EP400: variants seen among roughly 807,000 people sequenced by gnomAD.
EP400 encodes E1A-binding protein p400.
Under a neutral mutation model 354.1 loss-of-function variants are expected in EP400, and 105 were observed. The observed-to-expected ratio is 0.30, with a 90% CI of 0.25 to 0.35. The LOEUF (loss-of-function observed/expected upper bound fraction) is 0.35. Ranked by LOEUF, EP400 falls within the 10% of genes least tolerant of loss-of-function variation. The pLI is 1.00. For synonymous variants in EP400, 1,646 were observed against 1,716.9 expected (o/e 0.96, Z 1.02); for missense variants, 3,280 against 4,121.0 (o/e 0.80, Z 5.59).
At position 132,018,750 on chromosome 12, in the gene EP400, TAAC is replaced by T. The variant is rs1367784768; in HGVS notation, c.4277+377_4277+379del. Among the ~76,000 whole-genome samples the T allele has an allele frequency of 2.0e-5, 3 of 152,314 alleles. No homozygotes were observed. The highest frequency in any genetic ancestry group is 7.2e-5 in the African/African-American group (3 of 41,566). On this transcript the variant is annotated intron_variant, in intron 21 of 52. Coordinates refer to ENST00000389561, the MANE Select transcript of EP400 (RefSeq NM_015409.5). The surrounding 1 kb of genome is among the most constrained non-coding windows in gnomAD (Gnocchi z 4.0). ...CACCCCCACGGTGATGTCATTGTCTTAACAAGTGACATGTGAGTGATTCTGAAG... is the reference window on the plus strand; with the variant it reads ...CACCCCCACGGTGATGTCATTGTCTTAAGTGACATGTGAGTGATTCTGAAG...
At chr12:131,983,828 C>T (rs1053326195) in intron 5 of EP400, among the ~76,000 whole-genome samples, 4 of 152,006 alleles carry the variant, frequency 2.6e-5, no homozygotes, top group African/African-American at 4.8e-5. Context: ...TACAGGCGCA[C>T]ACCACTACAC....
rs776765987 is a variant in EP400 at position 132,025,674 on chromosome 12, C to G, written c.4884C>G (p.Pro1628=). The G allele has an allele frequency of 1.9e-6, 3 of 1,610,608 alleles. No individual in the cohort carries two copies. The change falls in exon 25 of 53, where the codon CCC becomes CCG. Residue 1628 remains proline, a synonymous_variant. Transcript: ENST00000389561. This position sits in a 1 kb window ranked among gnomAD's most constrained non-coding sequence, Gnocchi z 4.1. ...QGSVLQIVSA[P]GQPYLRAPGP... ...GCGTCCTCCAGATCGTGTCCGCCCC[C>G]GGGCAGCCCTACCTTCGAGCCCCTG...
chr12:132,004,942 G>A, intron 12 of EP400, 135 bp from the exon 13 acceptor site: 1 of 722,552 alleles, frequency 1.4e-6, no homozygotes, highest in South Asian at 1.5e-5. Flanking sequence ...GTGATCTAAA[G>A]CTGGAAAAAG....
intron 5 of EP400, among the ~76,000 whole-genome samples, chr12:131,985,709 G>A (rs1001831101): frequency 2.0e-5 from 3 of 152,206 alleles, no homozygotes; most frequent in African/African-American, 7.2e-5. Context: ...TTGGGTTTAA[G>A]CAATTCTCCT....
At position 132,020,101 on chromosome 12, in the gene EP400, T is replaced by C. The variant is rs775911908; in HGVS notation, c.4330T>C (p.Phe1444Leu). 9 of 1,603,760 alleles carry C rather than the reference T, an allele frequency of 5.6e-6. No individual in the cohort carries two copies. The Admixed American group carries it at 1.5e-4, about 28-fold the overall frequency. Residue 1444 changes from phenylalanine (F) to leucine (L), a missense_variant, in exon 22 of 53, where the codon TTC becomes CTC. By Grantham distance (22) the Phe-to-Leu change is conservative. Transcript: ENST00000389561. ...GQKPEGRTVA[F>L]PSTHPPRTAA... is the part of the protein sequence containing the mutation. ...GAAGCCCGAGGGTCGCACCGTGGCT[T>C]TCCCCAGCACTCACCCGCCCCGGAC...
chr12:131,960,440 G>A, intron 1 of EP400, 145 bp from the exon 2 acceptor site: 1 of 853,908 alleles, frequency 1.2e-6, no homozygotes, highest in Non-Finnish European at 1.8e-6. Flanking sequence ...TTCTCCAGCT[G>A]TGCCATATTG....
chr12:132,045,634 A>C, intron 38 of EP400, 74 bp downstream of exon 38: 2 of 1,603,422 alleles, frequency 1.2e-6, no homozygotes, highest in South Asian at 2.2e-5. Flanking sequence ...CATCCAGCTC[A>C]CTGTGATCAC....
intron 30 of EP400, among the ~76,000 whole-genome samples, chr12:132,037,192 G>A (rs766736842): frequency 3.3e-5 from 5 of 152,136 alleles, no homozygotes; most frequent in Non-Finnish European, 5.9e-5. Flanking sequence ...TGCAGCTCAC[G>A]GTCGTAATTG....
chr12:131,996,370 C>A (rs1457335884), intron 12 of EP400, among the ~76,000 whole-genome samples: 1 of 150,354 alleles, frequency 6.7e-6, no homozygotes, highest in African/African-American at 2.5e-5. Flanking sequence ...CGGCTCACTG[C>A]AAGCTCTGCC....
rs1894027174 is a variant in EP400 at position 132,018,785 on chromosome 12, T to C, written c.4277+409T>C. Among the ~76,000 whole-genome samples the C allele has an allele frequency of 6.6e-6, 1 of 152,188 alleles. No individual in the cohort carries two copies. Among genetic ancestry groups the C allele is most frequent in the African/African-American group, 2.4e-5 (1 of 41,440 alleles). ...CATGTGAGTGATTCTGAAGTGATGC[T>C]TTTGCGGGTGTCATGAGGCTGGGAG... On this transcript the variant is annotated intron_variant, in intron 21 of 52. Coordinates refer to ENST00000389561, the MANE Select transcript of EP400 (RefSeq NM_015409.5). The surrounding 1 kb of genome is among the most constrained non-coding windows in gnomAD (Gnocchi z 4.0).
At chr12:132,030,961 G>C (rs984848349) in intron 29 of EP400, among the ~76,000 whole-genome samples, 1 of 152,160 alleles carries the variant, frequency 6.6e-6, no homozygotes, top group Non-Finnish European at 1.5e-5. Context: ...CCTGTAAGTC[G>C]CGCAGCCTGC....
In EP400 at chr12:132,038,135, G is replaced by A. The variant is rs774190006; in HGVS notation, c.6207+39G>A. ...GAATCTGGCTGAAGAGTTGCACGGT[G>A]GGAGCCGGCGGAACACCTGCACCCT... On this transcript the variant is annotated intron_variant, in intron 32 of 52. Coordinates refer to ENST00000389561, the MANE Select transcript of EP400 (RefSeq NM_015409.5). This position sits in a 1 kb window ranked among gnomAD's most constrained non-coding sequence, Gnocchi z 4.2. 1.6e-5 allele frequency: 25 copies of A among 1,611,022 alleles called. No individual in the cohort carries two copies. In the Admixed American group the frequency reaches 4.2e-4, roughly 27 times the overall value.
In EP400 at chr12:132,018,446, G is replaced by T. The variant is rs1160733775; in HGVS notation, c.4277+70G>T. Reference sequence around the variant, plus strand: ...CCCCACAGCTGACCCAGGTCTATGCGTGGTGAAAAGAAAGGCTGCTAATGT... The same window carrying T: ...CCCCACAGCTGACCCAGGTCTATGCTTGGTGAAAAGAAAGGCTGCTAATGT... On this transcript the variant is annotated intron_variant, in intron 21 of 52. Coordinates refer to ENST00000389561, the MANE Select transcript of EP400 (RefSeq NM_015409.5). The surrounding 1 kb of genome is among the most constrained non-coding windows in gnomAD (Gnocchi z 4.0). The T allele has an allele frequency of 7.9e-6, 12 of 1,527,508 alleles. No homozygotes were observed. Among genetic ancestry groups the T allele is most frequent in the African/African-American group, 2.8e-5 (2 of 71,716 alleles). 94.6% of individuals were successfully genotyped at this position (1,527,508 alleles called of 1,614,324 possible).
rs992118264 is a variant in EP400, at chr12:132,013,928, T to G, written c.3923+15T>G. The G allele has an allele frequency of 6.2e-7, 1 of 1,613,330 alleles. No homozygotes were observed. The highest frequency in any genetic ancestry group is 1.3e-5 in the African/African-American group (1 of 75,024). Reference sequence around the variant, plus strand: ...CTGCAACCTGGGTGAGTGTGGGCTCTGGGCATGTGCCCCCTTTGCTGTCCC... The same window carrying G: ...CTGCAACCTGGGTGAGTGTGGGCTCGGGGCATGTGCCCCCTTTGCTGTCCC... On this transcript the variant is annotated intron_variant, in intron 19 of 52. Transcript: ENST00000389561. The surrounding 1 kb of genome is among the most constrained non-coding windows in gnomAD (Gnocchi z 4.5).
rs201481846 is a variant in EP400 at position 132,050,592 on chromosome 12, A to C, written c.7338-7A>C. The C allele has an allele frequency of 1.7e-5, 28 of 1,614,032 alleles. No homozygotes were observed. Among genetic ancestry groups the C allele is most frequent in the Non-Finnish European group, 2.4e-5 (28 of 1,180,036 alleles). On this transcript the variant is annotated splice_region_variant and splice_polypyrimidine_tract_variant and intron_variant, in intron 40 of 52. Transcript: ENST00000389561. The surrounding 1 kb of genome is among the most constrained non-coding windows in gnomAD (Gnocchi z 4.8). ...TAATAATTGCTGTCTCACTGTCTAT[A>C]CTTCAGGCTTGGCATGAATCCCTTT... is the stretch of plus-strand genomic sequence containing the variant.
intron 22 of EP400, among the ~76,000 whole-genome samples, chr12:132,020,721 A>AT (rs1894096450): frequency 1.3e-5 from 2 of 152,236 alleles, no homozygotes; most frequent in Non-Finnish European, 2.9e-5. Context: ...CATTGTTGCC[A>AT]GCATTCTCTA....
chr12:131,990,057 G>A lies in EP400; in HGVS notation c.2503G>A (p.Ala835Thr), dbSNP rs747796056. The change falls in exon 8 of 53, where the codon GCC becomes ACC. Residue 835 changes from alanine (A) to threonine (T), a missense_variant. Ala to Thr is a moderately conservative substitution (Grantham distance 58). Around this residue, in one of 20 missense-constraint regions of EP400, gnomAD observed 800 missense variants for 840.0 expected, o/e 0.95. Transcript: ENST00000389561. This position sits in a 1 kb window ranked among gnomAD's most constrained non-coding sequence, Gnocchi z 4.2. Reference sequence around the variant, plus strand: ...GCAGAGCAGACTGAGGCGGATAGCCGCCTCCACGGCCCGGGAGATAGAGTG... The same window carrying A: ...GCAGAGCAGACTGAGGCGGATAGCCACCTCCACGGCCCGGGAGATAGAGTG... Reference protein sequence around the residue: ...EEQSRLRRIAASTAREIECFW... With the variant: ...EEQSRLRRIATSTAREIECFW... The A allele has an allele frequency of 1.5e-5, 24 of 1,612,764 alleles. No homozygotes were observed. Among genetic ancestry groups the A allele is most frequent in the African/African-American group, 4.0e-5 (3 of 74,832 alleles).
At chr12:131,995,827 CTGAA>C (rs1406988773) in intron 12 of EP400, among the ~76,000 whole-genome samples, 2 of 149,590 alleles carry the variant, frequency 1.3e-5, no homozygotes, top group African/African-American at 5.1e-5. Flanking sequence ...CGCAGCTTGA[CTGAA>C]TGTGCCGTTC....
intron 2 of EP400, among the ~76,000 whole-genome samples, chr12:131,967,235 G>T (rs1356689182): frequency 6.6e-6 from 1 of 150,898 alleles, no homozygotes; most frequent in African/African-American, 2.4e-5. Flanking sequence ...GCAAAAATCA[G>T]CTGGGCGTGG....
Sources: gnomAD v4.1 joint callset for allele counts (sites outside exome capture counted in the v4.1 genomes callset) on GRCh38, gnomAD v4.1.1 for gene constraint, gnomAD v4.1.1 regional missense constraint, Gnocchi (gnomAD v3.1) non-coding constraint, MANE v1.5 for transcripts, NCBI Gene and HGNC (gene_info 2026-07-23, HGNC 2026-07-21) for gene names.